Variants in CLEC3A observed in about 807,000 individuals in gnomAD.
The protein encoded by CLEC3A is C-type (calcium dependent, carbohydrate-recognition domain) lectin, superfamily member 1 (cartilage-derived).
A neutral mutation model predicts 20.4 loss-of-function variants in CLEC3A; 28 were observed. That is an observed-to-expected ratio of 1.37 (90% CI 1.02 to 1.88). CLEC3A has a LOEUF of 1.88. CLEC3A is among the 40% of genes most tolerant of loss of function. The pLI is 0.00. For synonymous variants in CLEC3A, 110 were observed against 88.1 expected, an observed-to-expected ratio of 1.25 and a Z score of -1.39; for missense variants, 357 against 240.4, an observed-to-expected ratio of 1.48 and a Z score of -3.21.
rs574740863 is a variant in CLEC3A at position 78,030,327 on chromosome 16, C to T, written c.200-120C>T. On this transcript the variant is annotated intron_variant, in intron 2 of 2. Coordinates refer to ENST00000299642, the MANE Select transcript of CLEC3A (RefSeq NM_005752.6). ...TTGTCCGGCACATAGAAAATTTTAA[C>T]TGTTGTCTCATCATTATCATACTTC... 67 of 902,818 alleles carry T rather than the reference C, an allele frequency of 7.4e-5. 1 individual carries two copies. The Middle Eastern group carries it at 7.9e-4, about 11-fold the overall frequency. 55.9% of individuals were successfully genotyped at this position (902,818 alleles called of 1,614,324 possible).
In CLEC3A at chr16:78,028,121, C is replaced by A. The variant is rs779933246; in HGVS notation, c.130C>A (p.Leu44Met). 3.1e-6 allele frequency: 5 copies of A among 1,609,984 alleles called. No homozygotes were observed. In the African/African-American group the frequency reaches 6.7e-5, roughly 22 times the overall value. Residue 44 changes from leucine (L) to methionine (M), a missense_variant, in exon 2 of 3, where the codon CTG becomes ATG. Coordinates refer to ENST00000299642, the MANE Select transcript of CLEC3A (RefSeq NM_005752.6). ...KRRVRDKDGDLKTQIEKLWTE... is the reference protein window; with the variant it reads ...KRRVRDKDGDMKTQIEKLWTE... ...ATTTTCCCCAGACAAGGATGGAGAT[C>A]TGAAGACTCAAATTGAAAAGCTCTG... is the stretch of plus-strand genomic sequence containing the variant.
At chr16:78,027,835 T>C (rs2029970759) in intron 1 of CLEC3A, among the ~76,000 whole-genome samples, 1 of 152,206 alleles carries the variant, frequency 6.6e-6, no homozygotes, top group East Asian at 1.9e-4. Flanking sequence ...TTTATACTTT[T>C]AGTAGAGACA....
intron 1 of CLEC3A, among the ~76,000 whole-genome samples, chr16:78,025,360 A>G (rs181583671): frequency 6.6e-4 from 100 of 152,340 alleles, no homozygotes; most frequent in Non-Finnish European, 1.1e-3. Context: ...ACTGCTTTGC[A>G]CACATACTGC....
intron 1 of CLEC3A, among the ~76,000 whole-genome samples, chr16:78,024,602 G>C (rs1233595982): frequency 1.3e-5 from 2 of 152,136 alleles, no homozygotes; most frequent in Non-Finnish European, 2.9e-5. Flanking sequence ...GTCCTAGAAA[G>C]TAGATTCTAC....
At chr16:78,023,903 G>A (rs1433847785) in intron 1 of CLEC3A, among the ~76,000 whole-genome samples, 6 of 151,762 alleles carry the variant, frequency 4.0e-5, no homozygotes, top group Non-Finnish European at 5.9e-5. Flanking sequence ...GACTACAGGC[G>A]CCTGCCACCA....
rs1205220023 is a variant in CLEC3A at position 78,031,757 on chromosome 16, C to T, written c.*916C>T. On this transcript the variant is annotated 3_prime_UTR_variant, in exon 3 of 3. Transcript: ENST00000299642. The stretch of plus-strand genomic sequence containing the variant: ...ATATGTTTAAGTCTATTATGGGCAA[C>T]CAATCTTTGGAAGCTGAAAACTGAA... The T allele has an allele frequency of 1.3e-5, 2 of 151,976 alleles. No individual in the cohort carries two copies. Among genetic ancestry groups the T allele is most frequent in the African/African-American group, 4.8e-5 (2 of 41,358 alleles). 9.4% of individuals were successfully genotyped at this position (151,976 alleles called of 1,614,324 possible).
chr16:78,028,346 C>T (rs2029986930), intron 2 of CLEC3A, among the ~76,000 whole-genome samples, 156 bp downstream of exon 2: 1 of 152,210 alleles, frequency 6.6e-6, no homozygotes, highest in Non-Finnish European at 1.5e-5. Context: ...TTTAGGAAAT[C>T]AGCTTCATTT....
chr16:78,030,280 T>C (rs748726679), intron 2 of CLEC3A, among the ~76,000 whole-genome samples, 167 bp from the exon 3 acceptor site: 18 of 152,150 alleles, frequency 1.2e-4, no homozygotes, highest in Non-Finnish European at 2.2e-4. Context: ...TGTAACTTAA[T>C]TTATGTAAAA....
intron 1 of CLEC3A, among the ~76,000 whole-genome samples, chr16:78,024,383 G>C (rs1295882344): frequency 1.3e-5 from 2 of 151,972 alleles, no homozygotes; most frequent in African/African-American, 4.8e-5. Context: ...AGGTTTTCCA[G>C]GGGCCTCCCT....
At position 78,031,159 on chromosome 16, in the gene CLEC3A, A is replaced by G. The variant is rs541301931; in HGVS notation, c.*318A>G. On this transcript the variant is annotated 3_prime_UTR_variant, in exon 3 of 3. Transcript: ENST00000299642. Reference sequence around the variant, plus strand: ...TTGTTTTCAAAAAATCACAGTAGCAATGCAACTCATCACTCTAGAAAAGCA... The same window carrying G: ...TTGTTTTCAAAAAATCACAGTAGCAGTGCAACTCATCACTCTAGAAAAGCA... 3 of 225,554 alleles carry G rather than the reference A, an allele frequency of 1.3e-5. No individual in the cohort carries two copies. The East Asian group carries it at 3.3e-4, about 25-fold the overall frequency. The allele number at this position is 225,554 out of a possible 1,614,324, so 14.0% of individuals were successfully genotyped here. A position where few individuals can be genotyped will look rare whatever the true frequency, so the allele number is the denominator to read the frequency against.
chr16:78,027,619 T>G (rs1259192759), intron 1 of CLEC3A, among the ~76,000 whole-genome samples: 1 of 152,146 alleles, frequency 6.6e-6, no homozygotes, highest in Non-Finnish European at 1.5e-5. Context: ...TCTTTTTCTT[T>G]TTTTCCTTCC....
chr16:78,029,124 T>G (rs2030009756), intron 2 of CLEC3A: 2 of 455,650 alleles, frequency 4.4e-6, no homozygotes. Context: ...ATTTTACAGA[T>G]GAGGAAAATG....
intron 1 of CLEC3A, among the ~76,000 whole-genome samples, chr16:78,025,696 T>G (rs960266816): frequency 6.6e-6 from 1 of 152,204 alleles, no homozygotes; most frequent in Non-Finnish European, 1.5e-5. Flanking sequence ...TTCATAGGTC[T>G]CAATTTATGT....
intron 1 of CLEC3A, among the ~76,000 whole-genome samples, chr16:78,025,889 G>A (rs74881015): frequency 6.6e-6 from 1 of 152,270 alleles, no homozygotes; most frequent in East Asian, 1.9e-4. Flanking sequence ...GTGTCTTCAT[G>A]TTAATTACAA....
In CLEC3A at chr16:78,030,572, G is replaced by A; in HGVS notation, c.325G>A (p.Asp109Asn). 4 of 1,614,122 alleles carry A rather than the reference G, an allele frequency of 2.5e-6. No homozygotes were observed. The East Asian group carries it at 6.7e-5, about 27-fold the overall frequency. ...AATCCTGGTTATCCCCAGGAACTCC[G>A]ACGAAATCAACGCCCTCCAAGACTA... ...GGILVIPRNS[D>N]EINALQDYGK... is the part of the protein sequence containing the mutation. The change falls in exon 3 of 3, where the codon GAC becomes AAC. Residue 109 changes from aspartate to asparagine, a missense_variant. Transcript: ENST00000299642.
In CLEC3A at chr16:78,026,192, G is replaced by A. The variant is rs570443079; in HGVS notation, c.116-1915G>A. 9.9e-5 allele frequency among the ~76,000 whole-genome samples: 15 copies of A among 152,236 alleles called. No individual in the cohort carries two copies. In the South Asian group the frequency reaches 2.9e-3, roughly 30 times the overall value. ...GTAGCATTAAGTAAAACAGAGGCAG[G>A]GGCCACCCCTGGATATTCCAGAAGA... On this transcript the variant is annotated intron_variant, in intron 1 of 2. Coordinates refer to ENST00000299642, the MANE Select transcript of CLEC3A (RefSeq NM_005752.6).
At position 78,031,242 on chromosome 16, in the gene CLEC3A, A is replaced by G. The variant is rs1922608; in HGVS notation, c.*401A>G. The G allele has an allele frequency of 0.62, 102,355 of 164,872 alleles. 34,997 individuals carry two copies. The highest frequency in any genetic ancestry group is 0.74 in the South Asian group (4,311 of 5,800). The allele number at this position is 164,872 out of a possible 1,614,324, so 10.2% of individuals were successfully genotyped here. A position where few individuals can be genotyped will look rare whatever the true frequency, so the allele number is the denominator to read the frequency against. ...AGTTTAGCGTATGTTTGACTAACAA[A>G]AATTCCCTACATCAGAGACTCTAGG... On this transcript the variant is annotated 3_prime_UTR_variant, in exon 3 of 3. Transcript: ENST00000299642.
At chr16:78,029,331 C>G (rs1369494998) in intron 2 of CLEC3A, among the ~76,000 whole-genome samples, 2 of 152,182 alleles carry the variant, frequency 1.3e-5, no homozygotes, top group Non-Finnish European at 2.9e-5. Flanking sequence ...AAGAAAATCC[C>G]TGTCTCTCCA....
rs373706354 is a variant in CLEC3A at position 78,030,718 on chromosome 16, A to G, written c.471A>G (p.Ala157=). 2.5e-6 allele frequency: 4 copies of G among 1,614,046 alleles called. No homozygotes were observed. The highest frequency in any genetic ancestry group is 1.3e-5 in the African/African-American group (1 of 74,920). The change falls in exon 3 of 3, where the codon GCA becomes GCG. Residue 157 remains alanine (A), a synonymous_variant. Coordinates refer to ENST00000299642, the MANE Select transcript of CLEC3A (RefSeq NM_005752.6). ...TCTCCTTCCTCAACTGGGACCGTGC[A>G]CAGCCTAACGGTGGCAAGCGAGAAA... The part of the protein sequence containing the change: ...IAISFLNWDR[A]QPNGGKRENC...
Sources: gnomAD v4.1 joint callset for allele counts (sites outside exome capture counted in the v4.1 genomes callset) on GRCh38, gnomAD v4.1.1 for gene constraint, MANE v1.5 for transcripts, NCBI Gene and HGNC (gene_info 2026-07-23, HGNC 2026-07-21) for gene names.